Variants in SIGLEC9 observed in about 807,000 individuals in gnomAD.
The protein encoded by SIGLEC9 is sialic acid-binding Ig-like lectin 9.
A neutral mutation model predicts 38.3 loss-of-function variants in SIGLEC9; 26 were observed. That is an observed-to-expected ratio of 0.68 (90% CI 0.50 to 0.94). The LOEUF is 0.94. Among genes scored for constraint, SIGLEC9 ranks in the 40% least tolerant of loss-of-function variants. The pLI, the probability that SIGLEC9 is intolerant of heterozygous loss-of-function variation, is 0.00. For missense variants in SIGLEC9, 556 were observed against 585.7 expected (o/e 0.95, Z 0.52); for synonymous variants, 236 against 248.0 (o/e 0.95, Z 0.45).
rs553290247 is a variant in SIGLEC9, at chr19:51,125,761, T to C, written c.586T>C (p.Ser196Pro). The C allele has an allele frequency of 6.2e-7, 1 of 1,612,928 alleles. No homozygotes were observed. The highest frequency in any genetic ancestry group is 8.5e-7 in the Non-Finnish European group (1 of 1,178,964). ...CCTGGACCCCTCCACCACCCGCTCC[T>C]CGGTGCTCACCCTCATCCCACAGCC... Reference protein sequence around the residue: ...SPLDPSTTRSSVLTLIPQPQD... With the variant: ...SPLDPSTTRSPVLTLIPQPQD... The change falls in exon 2 of 7, where the codon TCG (serine) becomes CCG (proline). Residue 196 changes from serine (S) to proline (P), a missense_variant. Ser to Pro is a moderately conservative substitution (Grantham distance 74). Transcript: ENST00000250360.
At position 51,130,043 on chromosome 19, in the gene SIGLEC9, T is replaced by C. The variant is rs2092006588; in HGVS notation, c.1356T>C (p.Thr452=). The change falls in exon 7 of 7, where the codon ACT becomes ACC. Residue 452 remains threonine (T), a synonymous_variant. Transcript: ENST00000250360. ...GGGACTCGCGGGGACAGGAGGCCAC[T>C]GACACCGAGTACTCGGAGATCAAGA... ...KPWDSRGQEA[T]DTEYSEIKIH... is the part of the protein sequence containing the mutation. The C allele has an allele frequency of 3.1e-6, 5 of 1,613,624 alleles. No homozygotes were observed. Among genetic ancestry groups the C allele is most frequent in the Non-Finnish European group, 4.2e-6 (5 of 1,179,796 alleles).
rs201585934 is a variant in SIGLEC9, at chr19:51,125,887, G to A, written c.700+12G>A. On this transcript the variant is annotated intron_variant, in intron 2 of 6. Coordinates refer to ENST00000250360, the MANE Select transcript of SIGLEC9 (RefSeq NM_014441.3). ...TCTCAACGTGTCCTGTGAGTGCTGG[G>A]CCGGGACGCCTGGGTCCCTGATGGG... is the stretch of plus-strand genomic sequence containing the variant. 31 of 1,613,918 alleles carry A rather than the reference G, an allele frequency of 1.9e-5. 1 individual carries two copies. Among genetic ancestry groups the A allele is most frequent in the Middle Eastern group, 1.6e-4 (1 of 6,080 alleles).
chr19:51,125,975 G>A, intron 2 of SIGLEC9, 100 bp downstream of exon 2: 1 of 1,584,484 alleles, frequency 6.3e-7, no homozygotes, highest in Non-Finnish European at 8.7e-7. Context: ...GTGGGGTCAG[G>A]AGGACACTGG....
rs139730966 is a variant in SIGLEC9, at chr19:51,129,708, C to T, written c.1204-183C>T. Among the ~76,000 whole-genome samples the T allele has an allele frequency of 7.0e-4, 106 of 152,162 alleles. 3 individuals carry two copies. In the East Asian group the frequency reaches 0.017, roughly 24 times the overall value. On this transcript the variant is annotated intron_variant, in intron 6 of 6. Transcript: ENST00000250360. ...GGGATTAAAGGTGCACACCACCACA[C>T]CTGGCTAATTTTGTATTTTTAGTAG...
chr19:51,136,102 T>C, exon 7 of SIGLEC9: 1 of 703,956 alleles, frequency 1.4e-6, no homozygotes, highest in Non-Finnish European at 2.6e-6. Context: ...TTAAGAACAT[T>C]GCTGGGGAGA....
downstream of SIGLEC9, chr19:51,130,333 G>A (rs1432576073): frequency 1.9e-6 from 1 of 519,906 alleles, no homozygotes; most frequent in Non-Finnish European, 2.8e-6. Context: ...TTGGTTTCCT[G>A]CTCTGTAAAA....
rs2092006367 is a variant in SIGLEC9, at chr19:51,130,009, T to C, written c.1322T>C (p.Val441Ala). 1 of 1,613,990 alleles carries C rather than the reference T, an allele frequency of 6.2e-7. No individual in the cohort carries two copies. The highest frequency in any genetic ancestry group is 1.1e-5 in the South Asian group (1 of 91,062). Residue 441 changes from valine to alanine, a missense_variant, in exon 7 of 7, where the codon GTG (valine) becomes GCG (alanine). Val to Ala is a moderately conservative substitution (Grantham distance 64). Transcript: ENST00000250360. ...TATGCATCCCTCAGCTTCCAGATGG[T>C]GAAGCCTTGGGACTCGCGGGGACAG... is the stretch of plus-strand genomic sequence containing the variant. Reference protein sequence around the residue: ...LQYASLSFQMVKPWDSRGQEA... With the variant: ...LQYASLSFQMAKPWDSRGQEA...
chr19:51,128,535 C>G lies in SIGLEC9; in HGVS notation c.1203+25C>G, dbSNP rs1568613108. ...GGTGAGTGATGTGGACTCTCCACAG[C>G]CAGCATGTAGCCTGGACACCTCCCA... On this transcript the variant is annotated intron_variant, in intron 6 of 6. Transcript: ENST00000250360. 3 of 1,603,988 alleles carry G rather than the reference C, an allele frequency of 1.9e-6. No homozygotes were observed. The South Asian group carries it at 3.3e-5, about 18-fold the overall frequency.
upstream of SIGLEC9, among the ~76,000 whole-genome samples, chr19:51,122,215 C>T (rs978938595): frequency 1.3e-5 from 2 of 152,158 alleles, no homozygotes; most frequent in African/African-American, 4.8e-5. The surrounding 1 kb of genome is among the most constrained non-coding windows in gnomAD (Gnocchi z 4.1). Context: ...CCCACTCCCC[C>T]TTCCAATCTC....
chr19:51,132,562 G>GT (rs1220811286), downstream of SIGLEC9, among the ~76,000 whole-genome samples: 4 of 152,168 alleles, frequency 2.6e-5, no homozygotes, highest in Non-Finnish European at 5.9e-5. Flanking sequence ...AGGCCATCTG[G>GT]TGGACATTTT....
chr19:51,126,718 C>T (rs2091981427), intron 3 of SIGLEC9, among the ~76,000 whole-genome samples: 1 of 152,222 alleles, frequency 6.6e-6, no homozygotes, highest in Non-Finnish European at 1.5e-5. Flanking sequence ...GATCACGGCA[C>T]TAATTTCATC....
At chr19:51,123,665 C>A (rs60133122), upstream of SIGLEC9, among the ~76,000 whole-genome samples, 13,471 of 152,068 alleles carry the variant, frequency 0.089, 2,013 homozygotes, top group African/African-American at 0.31. Flanking sequence ...AGTGGGGTAA[C>A]AAAGAGGAGG....
chr19:51,128,368 A>C, intron 5 of SIGLEC9, 46 bp from the exon 6 acceptor site: 2 of 1,598,856 alleles, frequency 1.3e-6, no homozygotes, highest in Non-Finnish European at 1.7e-6. Context: ...TGCCCACCGC[A>C]CCCCAATCTG....
chr19:51,130,163 A>T lies in SIGLEC9; in HGVS notation c.*84A>T, dbSNP rs2092007584. 3 of 1,507,212 alleles carry T rather than the reference A, an allele frequency of 2.0e-6. No homozygotes were observed. In the African/African-American group the frequency reaches 4.2e-5, roughly 21 times the overall value. 93.4% of individuals were successfully genotyped at this position (1,507,212 alleles called of 1,614,324 possible). ...TCAGAGGCTGATTCTTGTAGAATTA[A>T]CAGCCCTCAACGTGATGAGCTATGA... On this transcript the variant is annotated 3_prime_UTR_variant, in exon 7 of 7. Coordinates refer to ENST00000250360, the MANE Select transcript of SIGLEC9 (RefSeq NM_014441.3).
At chr19:51,129,379 TCA>T (rs2092001691) in intron 6 of SIGLEC9, among the ~76,000 whole-genome samples, 2 of 151,930 alleles carry the variant, frequency 1.3e-5, no homozygotes, top group Non-Finnish European at 2.9e-5. Flanking sequence ...CAGGATGGTC[TCA>T]GTCTCCTGAC....
intron 3 of SIGLEC9, 58 bp downstream of exon 3, chr19:51,126,186 G>T: frequency 6.6e-7 from 1 of 1,522,368 alleles, no homozygotes; most frequent in Middle Eastern, 1.7e-4. Flanking sequence ...TCAGGATGGG[G>T]CTGGCTTATT....
Position 51,125,725 on chromosome 19 carries a change from TCCGTGTCCCC to T in SIGLEC9, c.553_562del (p.Val185TrpfsTer28). On this transcript the variant is annotated frameshift_variant, in exon 2 of 7. Coordinates refer to ENST00000250360, the MANE Select transcript of SIGLEC9 (RefSeq NM_014441.3). LOFTEE classifies it high-confidence loss of function. ...CCCTATGATCTCCTGGATAGGGACC[TCCGTGTCCCC>T]CCTGGACCCCTCCACCACCCGCTCC... The T allele has an allele frequency of 6.2e-7, 1 of 1,613,954 alleles. No individual in the cohort carries two copies. The highest frequency in any genetic ancestry group is 8.5e-7 in the Non-Finnish European group (1 of 1,179,940).
chr19:51,132,302 T>C (rs985090552), downstream of SIGLEC9, among the ~76,000 whole-genome samples: 18 of 152,154 alleles, frequency 1.2e-4, no homozygotes, highest in Admixed American at 1.2e-3. Flanking sequence ...GGTGCAGAAC[T>C]GTGAGCCAAA....
chr19:51,127,998 C>T lies in SIGLEC9; in HGVS notation c.1065C>T (p.Ala355=). The T allele has an allele frequency of 1.2e-6, 2 of 1,614,068 alleles. No individual in the cohort carries two copies. Among genetic ancestry groups the T allele is most frequent in the Non-Finnish European group, 1.7e-6 (2 of 1,179,956 alleles). The part of the protein sequence containing the change: ...VTQGVVGGAG[A]TALVFLSFCV... ...AGGGGGTGGTCGGGGGAGCTGGAGC[C>T]ACAGCCCTGGTCTTCCTGTCCTTCT... is the stretch of plus-strand genomic sequence containing the variant. Residue 355 remains alanine, a synonymous_variant, in exon 5 of 7, where the codon GCC becomes GCT. Transcript: ENST00000250360.
Sources: allele counts gnomAD v4.1 joint callset (sites outside exome capture counted in the v4.1 genomes callset), GRCh38; gene constraint gnomAD v4.1.1; non-coding constraint Gnocchi (gnomAD v3.1); transcripts MANE v1.5; gene names NCBI Gene and HGNC (gene_info 2026-07-23, HGNC 2026-07-21).